Variants in GPR101 observed in about 807,000 individuals in gnomAD.
The protein encoded by GPR101 is G protein-coupled receptor 101, also known as probable G protein-coupled receptor 101.
In GPR101, 8 loss-of-function variants were observed where a neutral mutation model predicts 16.4. That is an observed-to-expected ratio of 0.49 (90% CI 0.29 to 0.88). GPR101 has a LOEUF of 0.88. Ranked by LOEUF, GPR101 falls within the 40% of genes least tolerant of loss-of-function variation. The pLI, the probability that GPR101 is intolerant of heterozygous loss-of-function variation, is 0.09. For synonymous variants in GPR101, 155 were observed against 168.7 expected (o/e 0.92, Z 0.63); for missense variants, 375 against 411.7 (o/e 0.91, Z 0.77).
chrX:137,025,338 A>T lies in GPR101; in HGVS notation c.*4810T>A, dbSNP rs1454294987. ...TGAGGACAACACTATCTACAAACAC[A>T]ATCTAATATCTAGCACCGTATCTCC... On this transcript the variant is annotated 3_prime_UTR_variant, in exon 2 of 2. Transcript: ENST00000651716. 8.9e-6 allele frequency among the ~76,000 whole-genome samples: 1 copy of T among 112,331 alleles called. No individual in the cohort carries two copies. Among genetic ancestry groups the T allele is most frequent in the Non-Finnish European group, 1.9e-5 (1 of 53,295 alleles).
In GPR101 at chrX:137,030,211, G is replaced by T. The variant is rs373147876; in HGVS notation, c.1464C>A (p.Pro488=). 3.3e-6 allele frequency: 4 copies of T among 1,205,945 alleles called. No homozygotes were observed. The highest frequency in any genetic ancestry group is 2.2e-6 in the Non-Finnish European group (2 of 893,294). Residue 488 remains proline (P), a synonymous_variant, in exon 2 of 2, where the codon CCC becomes CCA. Transcript: ENST00000651716. ...TGCCTTCAGTCCCACCCTCTGTTCCGGGCAGGTCTGGGTGGCTATCTTCTT... is the reference window on the plus strand; with the variant it reads ...TGCCTTCAGTCCCACCCTCTGTTCCTGGCAGGTCTGGGTGGCTATCTTCTT... ...PPKEDSHPDL[P]GTEGGTEGKI...
chrX:137,033,253 T>G (rs997447367), intron 1 of GPR101, among the ~76,000 whole-genome samples: 1 of 104,945 alleles, frequency 9.5e-6, no homozygotes, highest in African/African-American at 3.5e-5. Flanking sequence ...CCGAGGGGAG[T>G]GGGAAAGGAG....
rs1032479731 is a variant in GPR101 at position 137,030,109 on chromosome X, C to T, written c.*39G>A. 1.6e-5 allele frequency: 17 copies of T among 1,077,041 alleles called. No homozygotes were observed. Among genetic ancestry groups the T allele is most frequent in the Non-Finnish European group, 2.0e-5 (16 of 806,150 alleles). 88.8% of individuals were successfully genotyped at this position (1,077,041 alleles called of 1,213,427 possible). ...TGAAAAGAAATCTCCTCTTGTTTCT[C>T]GTGTTATGGACAGTTCAAGGTTTGC... On this transcript the variant is annotated 3_prime_UTR_variant, in exon 2 of 2. Transcript: ENST00000651716.
At position 137,031,611 on chromosome X, in the gene GPR101, A is replaced by C; in HGVS notation, c.64T>G (p.Ser22Ala). The C allele has an allele frequency of 5.0e-6, 6 of 1,207,212 alleles. No individual in the cohort carries two copies. The highest frequency in any genetic ancestry group is 6.7e-6 in the Non-Finnish European group (6 of 893,499). Residue 22 changes from serine (S) to alanine (A), a missense_variant, in exon 2 of 2, where the codon TCC becomes GCC. Physicochemically the swap from Ser to Ala is moderately conservative, Grantham distance 99. Transcript: ENST00000651716. ...SNSSHTCMPL[S>A]KMPISLAHGI... ...TGGGCCAGGCTGATGGGCATTTTGG[A>C]GAGGGGCATGCACGTGTGGCTGCTG...
At position 137,030,278 on chromosome X, in the gene GPR101, T is replaced by C; in HGVS notation, c.1397A>G (p.Gln466Arg). The C allele has an allele frequency of 8.3e-7, 1 of 1,211,726 alleles. No homozygotes were observed. Among genetic ancestry groups the C allele is most frequent in the Non-Finnish European group, 1.1e-6 (1 of 895,425 alleles). The change falls in exon 2 of 2, where the codon CAG (glutamine) becomes CGG (arginine). Residue 466 changes from glutamine (Q) to arginine (R), a missense_variant. Coordinates refer to ENST00000651716, the MANE Select transcript of GPR101 (RefSeq NM_054021.2). ...YMHKTIKKEIQDMLKKFFCKE... is the reference protein window; with the variant it reads ...YMHKTIKKEIRDMLKKFFCKE... ...GCAGAAGAACTTCTTCAGCATGTCC[T>C]GGATTTCCTTCTTAATGGTCTTGTG... is the stretch of plus-strand genomic sequence containing the variant.
intron 1 of GPR101, among the ~76,000 whole-genome samples, 95 bp downstream of exon 1, chrX:137,033,707 C>T (rs1927315788): frequency 8.9e-6 from 1 of 112,400 alleles, no homozygotes; most frequent in Non-Finnish European, 1.9e-5. Context: ...CAGCAGCCGT[C>T]GGGACGCTTC....
chrX:137,031,079 G>A lies in GPR101; in HGVS notation c.596C>T (p.Ser199Phe), dbSNP rs1301330701. 1 of 1,211,959 alleles carries A rather than the reference G, an allele frequency of 8.3e-7. No individual in the cohort carries two copies. Among genetic ancestry groups the A allele is most frequent in the East Asian group, 3.0e-5 (1 of 33,858 alleles). Reference protein sequence around the residue: ...SPSYTILSVVSFIVIPLIVMI... With the variant: ...SPSYTILSVVFFIVIPLIVMI... Reference sequence around the variant, plus strand: ...GACAATCAGTGGAATGACGATGAAGGACACCACGCTGAGAATAGTGTAGCT... The same window carrying A: ...GACAATCAGTGGAATGACGATGAAGAACACCACGCTGAGAATAGTGTAGCT... The change falls in exon 2 of 2, where the codon TCC (serine) becomes TTC (phenylalanine). Residue 199 changes from serine to phenylalanine, a missense_variant. Ser to Phe is a radical substitution (Grantham distance 155). Transcript: ENST00000651716.
chrX:137,031,163 C>T lies in GPR101; in HGVS notation c.512G>A (p.Gly171Asp), dbSNP rs780541681. 1.2e-5 allele frequency: 15 copies of T among 1,210,065 alleles called. No homozygotes were observed. The highest frequency in any genetic ancestry group is 1.7e-5 in the Non-Finnish European group (15 of 895,113). Residue 171 changes from glycine to aspartate, a missense_variant, in exon 2 of 2, where the codon GGC becomes GAC. Transcript: ENST00000651716. ...ATTGCGCTCATCAAAGGCAGCCTGGCCCCAGCCGTAGAGTGGAGGAGTGCT... is the reference window on the plus strand; with the variant it reads ...ATTGCGCTCATCAAAGGCAGCCTGGTCCCAGCCGTAGAGTGGAGGAGTGCT... ...LQSTPPLYGW[G>D]QAAFDERNAL... is the part of the protein sequence containing the mutation.
Position 137,026,201 on chromosome X carries a change from G to C in GPR101, c.*3947C>G, listed in dbSNP as rs1254993538. ...GCTTAGAGAAACCTCTCCTGACAGC[G>C]TGAGGTCTTTCTTAAAGAGGAATAC... On this transcript the variant is annotated 3_prime_UTR_variant, in exon 2 of 2. Transcript: ENST00000651716. Among the ~76,000 whole-genome samples, 1 of 112,318 alleles carries C rather than the reference G, an allele frequency of 8.9e-6. No individual in the cohort carries two copies. Among genetic ancestry groups the C allele is most frequent in the African/African-American group, 3.2e-5 (1 of 30,885 alleles).
At position 137,029,816 on chromosome X, in the gene GPR101, A is replaced by G. The variant is rs1194514082; in HGVS notation, c.*332T>C. Among the ~76,000 whole-genome samples, 6 of 112,451 alleles carry G rather than the reference A, an allele frequency of 5.3e-5. No individual in the cohort carries two copies. The highest frequency in any genetic ancestry group is 3.7e-4 in the South Asian group (1 of 2,670). Reference sequence around the variant, plus strand: ...ACAAGCATCATCTTCCCTTTCCTTCAGAGCTAAAGTTGGCATGTTGTAGCT... The same window carrying G: ...ACAAGCATCATCTTCCCTTTCCTTCGGAGCTAAAGTTGGCATGTTGTAGCT... On this transcript the variant is annotated 3_prime_UTR_variant, in exon 2 of 2. Coordinates refer to ENST00000651716, the MANE Select transcript of GPR101 (RefSeq NM_054021.2).
Position 137,030,060 on chromosome X carries a change from G to C in GPR101, c.*88C>G, listed in dbSNP as rs902384801. 2 of 812,704 alleles carry C rather than the reference G, an allele frequency of 2.5e-6. No homozygotes were observed. Among genetic ancestry groups the C allele is most frequent in the African/African-American group, 2.1e-5 (1 of 48,747 alleles). 67.0% of individuals were successfully genotyped at this position (812,704 alleles called of 1,213,427 possible). On this transcript the variant is annotated 3_prime_UTR_variant, in exon 2 of 2. Transcript: ENST00000651716. The stretch of plus-strand genomic sequence containing the variant: ...ACCTTTGCCTGAAATGGTATGGTTT[G>C]GCATTAATGAATTGTGGGTCCATTG...
chrX:137,033,894 G>C lies in GPR101; in HGVS notation c.-185C>G, dbSNP rs921606474. Reference sequence around the variant, plus strand: ...CCCGGCCGCCTCTCGGGGCTCGGGCGGCTGCGAGCTGGCACGGGGCAGCGG... The same window carrying C: ...CCCGGCCGCCTCTCGGGGCTCGGGCCGCTGCGAGCTGGCACGGGGCAGCGG... On this transcript the variant is annotated 5_prime_UTR_variant, in exon 1 of 2. Transcript: ENST00000651716. Among the ~76,000 whole-genome samples, 3 of 112,057 alleles carry C rather than the reference G, an allele frequency of 2.7e-5. No homozygotes were observed. The highest frequency in any genetic ancestry group is 3.8e-5 in the Non-Finnish European group (2 of 52,850).
At position 137,025,783 on chromosome X, in the gene GPR101, A is replaced by G. The variant is rs1485302155; in HGVS notation, c.*4365T>C. Among the ~76,000 whole-genome samples, 1 of 112,761 alleles carries G rather than the reference A, an allele frequency of 8.9e-6. No homozygotes were observed. The highest frequency in any genetic ancestry group is 1.9e-5 in the Non-Finnish European group (1 of 53,368). On this transcript the variant is annotated 3_prime_UTR_variant, in exon 2 of 2. Transcript: ENST00000651716. ...GACCTGGCAATCTGTGGCCAGGTTC[A>G]GTGGATTTTAGCTTCACTGTTTCTT...
At position 137,030,529 on chromosome X, in the gene GPR101, G is replaced by C. The variant is rs1300398239; in HGVS notation, c.1146C>G (p.Asn382Lys). The C allele has an allele frequency of 8.3e-7, 1 of 1,210,494 alleles. No individual in the cohort carries two copies. Among genetic ancestry groups the C allele is most frequent in the Non-Finnish European group, 1.1e-6 (1 of 894,925 alleles). The change falls in exon 2 of 2, where the codon AAC (asparagine) becomes AAG (lysine). Residue 382 changes from asparagine (N) to lysine (K), a missense_variant. Physicochemically the swap from Asn to Lys is moderately conservative, Grantham distance 94 (BLOSUM62 0). Coordinates refer to ENST00000651716, the MANE Select transcript of GPR101 (RefSeq NM_054021.2). ...TGGGCAGAGGAGGGTTGCTGTTGCTGTTACGACGACTGGGTGGGAGGCTCT... is the reference window on the plus strand; with the variant it reads ...TGGGCAGAGGAGGGTTGCTGTTGCTCTTACGACGACTGGGTGGGAGGCTCT... ...IPESLPPSRR[N>K]SNSNPPLPRC...
Position 137,031,290 on chromosome X carries a change from G to A in GPR101, c.385C>T (p.Arg129Cys), listed in dbSNP as rs749936697. 5.8e-6 allele frequency: 7 copies of A among 1,210,311 alleles called. No homozygotes were observed. The highest frequency in any genetic ancestry group is 5.9e-5 in the East Asian group (2 of 33,820). The change falls in exon 2 of 2, where the codon CGC becomes TGC. Residue 129 changes from arginine to cysteine, a missense_variant. Arg to Cys is a radical substitution (Grantham distance 180). Transcript: ENST00000651716. ...AGAGGGTGGATGATGGACAAGTAGC[G>A]ATCCACTGACACCACGACAATGGTG... The part of the protein sequence containing the change: ...VNTIVVVSVD[R>C]YLSIIHPLSY...
In GPR101 at chrX:137,029,233, C is replaced by T. The variant is rs760444074; in HGVS notation, c.*915G>A. On this transcript the variant is annotated 3_prime_UTR_variant, in exon 2 of 2. Transcript: ENST00000651716. ...AAAAGGCTTATTTGACAAAAACAAA[C>T]CAAAAGAAAACAGAAGTGTTGGCAG... is the stretch of plus-strand genomic sequence containing the variant. 8.9e-6 allele frequency among the ~76,000 whole-genome samples: 1 copy of T among 112,311 alleles called. No homozygotes were observed. The highest frequency in any genetic ancestry group is 3.7e-4 in the South Asian group (1 of 2,703).
chrX:137,031,649 G>A lies in GPR101; in HGVS notation c.26C>T (p.Thr9Met). Residue 9 changes from threonine (T) to methionine (M), a missense_variant, in exon 2 of 2, where the codon ACG (threonine) becomes ATG (methionine). Transcript: ENST00000651716. ...CGTGTGGCTGCTGTTACTCTCGCGC[G>A]TGCTGTTGGTGCAGGTGGACGTCAT... MTSTCTNSTRESNSSHTCM... is the reference protein window; with the variant it reads MTSTCTNSMRESNSSHTCM... 1 of 1,190,322 alleles carries A rather than the reference G, an allele frequency of 8.4e-7. No individual in the cohort carries two copies. The highest frequency in any genetic ancestry group is 1.9e-5 in the South Asian group (1 of 52,952).
intron 1 of GPR101, among the ~76,000 whole-genome samples, 167 bp downstream of exon 1, chrX:137,033,634 GC>G (rs1252446332): frequency 8.9e-6 from 1 of 112,065 alleles, no homozygotes; most frequent in Non-Finnish European, 1.9e-5. Flanking sequence ...AAACGCGAGG[GC>G]GGGAGGATGG....
chrX:137,031,647 G>A lies in GPR101; in HGVS notation c.28C>T (p.Arg10Cys). The A allele has an allele frequency of 8.4e-7, 1 of 1,193,053 alleles. No homozygotes were observed. The highest frequency in any genetic ancestry group is 1.1e-6 in the Non-Finnish European group (1 of 885,436). Reference sequence around the variant, plus strand: ...CACGTGTGGCTGCTGTTACTCTCGCGCGTGCTGTTGGTGCAGGTGGACGTC... The same window carrying A: ...CACGTGTGGCTGCTGTTACTCTCGCACGTGCTGTTGGTGCAGGTGGACGTC... MTSTCTNST[R>C]ESNSSHTCMP... The change falls in exon 2 of 2, where the codon CGC becomes TGC. Residue 10 changes from arginine (R) to cysteine (C), a missense_variant. Transcript: ENST00000651716.
Sources: allele counts gnomAD v4.1 joint callset (sites outside exome capture counted in the v4.1 genomes callset), GRCh38; gene constraint gnomAD v4.1.1; transcripts MANE v1.5; gene names NCBI Gene and HGNC (gene_info 2026-07-23, HGNC 2026-07-21).